Variants in PPP1R13B observed in about 807,000 individuals in gnomAD.
The protein encoded by PPP1R13B is apoptosis-stimulating of p53 protein 1.
PPP1R13B carries 44 observed loss-of-function variants against 119.8 expected under a neutral mutation model. The ratio of observed to expected loss-of-function variants is 0.37; its 90% CI spans 0.29 to 0.47. The LOEUF (loss-of-function observed/expected upper bound fraction) is 0.47, where lower values mean the gene tolerates loss of function less well. Ranked by LOEUF, PPP1R13B falls within the 20% of genes least tolerant of loss-of-function variation. The pLI, the probability that PPP1R13B is intolerant of heterozygous loss-of-function variation, is 0.99. For missense variants in PPP1R13B, 1,227 were observed against 1,413.5 expected, an observed-to-expected ratio of 0.87 and a Z score of 2.12; for synonymous variants, 542 against 561.5, an observed-to-expected ratio of 0.97 and a Z score of 0.49.
At chr14:103,835,925 T>C (rs2086767220) in intron 1 of PPP1R13B, among the ~76,000 whole-genome samples, 1 of 151,744 alleles carries the variant, frequency 6.6e-6, no homozygotes, top group Non-Finnish European at 1.5e-5. Flanking sequence ...TTTTTTAATA[T>C]AGACAGGGTC....
chr14:103,844,394 G>A (rs1407332688), intron 1 of PPP1R13B, among the ~76,000 whole-genome samples: 2 of 152,108 alleles, frequency 1.3e-5, no homozygotes, highest in Admixed American at 1.3e-4. Context: ...ATTCTCAACA[G>A]CTGAGAGACT....
At chr14:103,834,196 G>A (rs1051021039) in intron 1 of PPP1R13B, among the ~76,000 whole-genome samples, 2 of 152,096 alleles carry the variant, frequency 1.3e-5, no homozygotes, top group African/African-American at 4.8e-5. Context: ...CCAACATGGC[G>A]AAACCCCGTC....
At chr14:103,846,364 T>C (rs1408793916) in intron 1 of PPP1R13B, among the ~76,000 whole-genome samples, 2 of 152,204 alleles carry the variant, frequency 1.3e-5, no homozygotes, top group Non-Finnish European at 2.9e-5. Flanking sequence ...AATATTCAAG[T>C]AGAGAATGCA....
upstream of PPP1R13B, chr14:103,848,133 G>C (rs908394645): frequency 1.5e-6 from 1 of 673,174 alleles, no homozygotes; most frequent in African/African-American, 2.0e-5. Flanking sequence ...GACGCCCTTG[G>C]CTGGCACCTG....
At chr14:103,758,864 C>T (rs1219821572) in intron 4 of PPP1R13B, among the ~76,000 whole-genome samples, 3 of 152,220 alleles carry the variant, frequency 2.0e-5, no homozygotes, top group African/African-American at 7.2e-5. Flanking sequence ...TAGTCAGTTA[C>T]AGTTCCTGTT....
At chr14:103,755,064 G>C (rs1473927885) in intron 5 of PPP1R13B, among the ~76,000 whole-genome samples, 2 of 150,610 alleles carry the variant, frequency 1.3e-5, no homozygotes, top group Non-Finnish European at 3.0e-5. Context: ...TTACAGGCGT[G>C]AGCCACCGCG....
At chr14:103,828,350 C>T (rs948815907) in intron 1 of PPP1R13B, among the ~76,000 whole-genome samples, 4 of 117,634 alleles carry the variant, frequency 3.4e-5, no homozygotes, top group Non-Finnish European at 6.7e-5. Flanking sequence ...GCCTGGGCAA[C>T]AAGAGCGAAA....
At chr14:103,743,987 A>G (rs1408259063) in intron 9 of PPP1R13B, 1 of 152,244 alleles carries the variant, frequency 6.6e-6, no homozygotes, top group Non-Finnish European at 1.5e-5. Flanking sequence ...AGCTCTAGTC[A>G]AGCCCCGTGG....
At chr14:103,771,278 C>G (rs932436341) in intron 4 of PPP1R13B, among the ~76,000 whole-genome samples, 2 of 151,984 alleles carry the variant, frequency 1.3e-5, no homozygotes, top group Non-Finnish European at 2.9e-5. Context: ...TCAAAAAATG[C>G]CCAGAGGTAA....
intron 7 of PPP1R13B, among the ~76,000 whole-genome samples, chr14:103,752,676 G>A (rs138212025): frequency 1.7e-4 from 26 of 151,584 alleles, no homozygotes; most frequent in Non-Finnish European, 2.7e-4. Flanking sequence ...CTGAGACTAC[G>A]GGCATGCGCC....
At chr14:103,788,823 AG>A (rs1392630564) in intron 2 of PPP1R13B, among the ~76,000 whole-genome samples, 3 of 152,212 alleles carry the variant, frequency 2.0e-5, no homozygotes, top group Middle Eastern at 3.2e-3. Context: ...ACATGATATT[AG>A]CATTTAGAGT....
intron 4 of PPP1R13B, among the ~76,000 whole-genome samples, chr14:103,767,439 C>G (rs935862593): frequency 3.9e-5 from 6 of 152,110 alleles, no homozygotes; most frequent in Middle Eastern, 3.2e-3. Flanking sequence ...TTGAAAGTCT[C>G]TGAGATTCCA....
chr14:103,820,910 G>A (rs568709373), intron 1 of PPP1R13B, among the ~76,000 whole-genome samples: 3 of 152,218 alleles, frequency 2.0e-5, no homozygotes, highest in Non-Finnish European at 4.4e-5. Flanking sequence ...GGAAAAAAGG[G>A]ATAACTTTTT....
Position 103,734,316 on chromosome 14 carries a change from C to A in PPP1R13B, c.*838G>T. On this transcript the variant is annotated 3_prime_UTR_variant, in exon 17 of 17. Coordinates refer to ENST00000202556, the MANE Select transcript of PPP1R13B (RefSeq NM_015316.3). ...GGCCCTGGTCTGCCCTCACACCAGTCCACCCCCAGCCCCAACCCCAACCAC... is the reference window on the plus strand; with the variant it reads ...GGCCCTGGTCTGCCCTCACACCAGTACACCCCCAGCCCCAACCCCAACCAC... 1 of 361,024 alleles carries A rather than the reference C, an allele frequency of 2.8e-6. No individual in the cohort carries two copies. Among genetic ancestry groups the A allele is most frequent in the Non-Finnish European group, 5.5e-6 (1 of 181,060 alleles). The allele number at this position is 361,024 out of a possible 1,614,324, so 22.4% of individuals were successfully genotyped here.
chr14:103,795,775 A>G (rs1182629151), intron 2 of PPP1R13B, among the ~76,000 whole-genome samples: 2 of 152,168 alleles, frequency 1.3e-5, no homozygotes, highest in Admixed American at 6.6e-5. Context: ...TAGGCTAACA[A>G]TTGAGGGCCT....
intron 4 of PPP1R13B, among the ~76,000 whole-genome samples, chr14:103,768,464 T>G (rs2084988523): frequency 6.6e-6 from 1 of 151,810 alleles, no homozygotes; most frequent in Admixed American, 6.6e-5. Context: ...GCCCGGCTAA[T>G]TTTTTTTGTA....
At position 103,794,255 on chromosome 14, in the gene PPP1R13B, T is replaced by A. The variant is rs578189281; in HGVS notation, c.157+3116A>T. Among the ~76,000 whole-genome samples the A allele has an allele frequency of 5.4e-4, 82 of 152,194 alleles. 1 individual carries two copies. Among genetic ancestry groups the A allele is most frequent in the South Asian group, 1.9e-3 (9 of 4,828 alleles). On this transcript the variant is annotated intron_variant, in intron 2 of 16. Coordinates refer to ENST00000202556, the MANE Select transcript of PPP1R13B (RefSeq NM_015316.3). ...TCTACTGGAAAGCACTGATAATTACTATTGAAGGATTCTATCTACGACATA... is the reference window on the plus strand; with the variant it reads ...TCTACTGGAAAGCACTGATAATTACAATTGAAGGATTCTATCTACGACATA...
At chr14:103,748,132 TG>T (rs1291015937) in intron 8 of PPP1R13B, among the ~76,000 whole-genome samples, 1 of 151,860 alleles carries the variant, frequency 6.6e-6, no homozygotes, top group Non-Finnish European at 1.5e-5. Flanking sequence ...CGCACGCTAC[TG>T]GTTCTCTTTC....
At chr14:103,760,906 G>GA in intron 4 of PPP1R13B, among the ~76,000 whole-genome samples, 1 of 152,250 alleles carries the variant, frequency 6.6e-6, no homozygotes, top group South Asian at 2.1e-4. Flanking sequence ...GCAGAAATAA[G>GA]AGACTTCATT....
Sources: allele counts gnomAD v4.1 joint callset (sites outside exome capture counted in the v4.1 genomes callset), GRCh38; gene constraint gnomAD v4.1.1; transcripts MANE v1.5; gene names NCBI Gene and HGNC (gene_info 2026-07-23, HGNC 2026-07-21).